Variants in LPL observed in about 807,000 individuals in gnomAD.
LPL encodes lipoprotein lipase, also known as phospholipase A1.
In LPL, 43 loss-of-function variants were observed where a neutral mutation model predicts 52.2. That is an observed-to-expected ratio of 0.82 (90% CI 0.64 to 1.06). LPL has a LOEUF of 1.06. Ranked by LOEUF, LPL falls within the 50% of genes least tolerant of loss-of-function variation. The pLI, the probability that LPL is intolerant of heterozygous loss-of-function variation, is 0.00. For synonymous variants in LPL, 244 were observed against 215.6 expected (o/e 1.13, Z -1.15); for missense variants, 639 against 585.3 (o/e 1.09, Z -0.95).
chr8:19,964,743 G>T (rs1000812683), intron 9 of LPL, among the ~76,000 whole-genome samples: 2 of 152,008 alleles, frequency 1.3e-5, no homozygotes, highest in Non-Finnish European at 2.9e-5. Flanking sequence ...TGGCCAGGCT[G>T]GTCATTGAAC....
chr8:19,947,871 CA>C (rs1489434861), intron 1 of LPL, among the ~76,000 whole-genome samples: 13 of 152,108 alleles, frequency 8.5e-5, no homozygotes, highest in Admixed American at 8.5e-4. Flanking sequence ...CCCCAAACAG[CA>C]GTTCCCTTAG....
chr8:19,959,787 T>G (rs1432824236), intron 7 of LPL, among the ~76,000 whole-genome samples: 21 of 129,196 alleles, frequency 1.6e-4, no homozygotes, highest in Admixed American at 1.6e-3. Context: ...CTTTTTTTTT[T>G]TTTTTTTTTT....
chr8:19,960,583 A>G (rs2070029428), intron 7 of LPL, among the ~76,000 whole-genome samples: 1 of 152,222 alleles, frequency 6.6e-6, no homozygotes, highest in Non-Finnish European at 1.5e-5. Flanking sequence ...TAGCTAAATA[A>G]TGTTCAAGTA....
At chr8:19,958,679 T>C (rs2070009036) in intron 6 of LPL, among the ~76,000 whole-genome samples, 1 of 152,136 alleles carries the variant, frequency 6.6e-6, no homozygotes, top group Admixed American at 6.5e-5. Flanking sequence ...CATTACGGAA[T>C]GGAAAAATCA....
chr8:19,952,085 ATAT>A, intron 3 of LPL, 137 bp downstream of exon 3: 1 of 924,724 alleles, frequency 1.1e-6, no homozygotes, highest in Non-Finnish European at 1.7e-6. Flanking sequence ...ATCAGCGTGG[ATAT>A]TATTTTATAT....
At chr8:19,957,836 T>C (rs1291806633) in intron 6 of LPL, among the ~76,000 whole-genome samples, 1 of 152,108 alleles carries the variant, frequency 6.6e-6, no homozygotes, top group African/African-American at 2.4e-5. Flanking sequence ...TAAAGCAGCA[T>C]AAAAATATGG....
chr8:19,963,787 T>G (rs1043215408), intron 9 of LPL, among the ~76,000 whole-genome samples: 1 of 152,150 alleles, frequency 6.6e-6, no homozygotes, highest in African/African-American at 2.4e-5. Context: ...AAATGGAGAA[T>G]AGTTAGTGGT....
chr8:19,943,769 T>A (rs2128836041), intron 1 of LPL, among the ~76,000 whole-genome samples: 1 of 152,360 alleles, frequency 6.6e-6, no homozygotes, highest in South Asian at 2.1e-4. Flanking sequence ...TCTGAACCTA[T>A]TTTTTAACCC....
In LPL at chr8:19,948,281, G is replaced by T. The variant is rs114101772; in HGVS notation, c.190G>T (p.Val64Leu). 2.5e-6 allele frequency: 4 copies of T among 1,613,978 alleles called. No individual in the cohort carries two copies. The highest frequency in any genetic ancestry group is 1.7e-5 in the Admixed American group (1 of 59,992). Residue 64 changes from valine (V) to leucine (L), a missense_variant, in exon 2 of 10, where the codon GTG (valine) becomes TTG (leucine). Physicochemically the swap from Val to Leu is conservative, Grantham distance 32. Transcript: ENST00000650287. ...CHLIPGVAESVATCHFNHSSK... is the reference protein window; with the variant it reads ...CHLIPGVAESLATCHFNHSSK... ...CCTCATTCCCGGAGTAGCAGAGTCC[G>T]TGGCTACCTGTCATTTCAATCACAG...
Position 19,961,101 on chromosome 8 carries a change from T to G in LPL, c.1322+18T>G. 1 of 1,612,212 alleles carries G rather than the reference T, an allele frequency of 6.2e-7. No individual in the cohort carries two copies. The highest frequency in any genetic ancestry group is 1.1e-5 in the South Asian group (1 of 91,008). On this transcript the variant is annotated intron_variant, in intron 8 of 9. Transcript: ENST00000650287. ...CAGAAAAAGTAATTAAATGTATTTT[T>G]CTTCCTTCACTTTAGACCCCCACCT...
intron 1 of LPL, among the ~76,000 whole-genome samples, chr8:19,940,853 G>T (rs535013176): frequency 2.6e-5 from 4 of 152,226 alleles, no homozygotes; most frequent in Non-Finnish European, 5.9e-5. Context: ...CACTTCGGGA[G>T]GCCGAGGCCG....
At chr8:19,940,433 A>G (rs1251178742) in intron 1 of LPL, among the ~76,000 whole-genome samples, 1 of 152,210 alleles carries the variant, frequency 6.6e-6, no homozygotes, top group Admixed American at 6.5e-5. Flanking sequence ...GCGTGGAGGC[A>G]GCGAGCACAA....
At chr8:19,962,969 C>T (rs76423146) in intron 9 of LPL, among the ~76,000 whole-genome samples, 8,229 of 152,244 alleles carry the variant, frequency 0.054, 376 homozygotes, top group African/African-American at 0.13. Flanking sequence ...ACCCTCCACA[C>T]ATCCCCTGCC....
At chr8:19,948,056 C>T (rs1311385798) in intron 1 of LPL, 124 bp from the exon 2 acceptor site, 10 of 1,047,180 alleles carry the variant, frequency 9.5e-6, no homozygotes, top group East Asian at 4.8e-5. Context: ...CATTCGTTTT[C>T]GAAAACACTT....
At chr8:19,943,579 T>C (rs538418644) in intron 1 of LPL, among the ~76,000 whole-genome samples, 9 of 152,336 alleles carry the variant, frequency 5.9e-5, no homozygotes, top group Non-Finnish European at 7.3e-5. Flanking sequence ...AAGAAGAAAG[T>C]AGTCTCAGAT....
In LPL at chr8:19,954,717, A is replaced by C. The variant is rs257; in HGVS notation, c.775+364A>C. Among the ~76,000 whole-genome samples, 1,365 of 152,350 alleles carry C rather than the reference A, an allele frequency of 9.0e-3. 19 individuals are homozygous for C. Among genetic ancestry groups the C allele is most frequent in the African/African-American group, 0.032 (1,313 of 41,576 alleles). On this transcript the variant is annotated intron_variant, in intron 5 of 9. Transcript: ENST00000650287. ...AGCCAATGGAAAGATTTTAGATGTTACTGGAACAGAAGATGTTAATTAGGA... is the reference window on the plus strand; with the variant it reads ...AGCCAATGGAAAGATTTTAGATGTTCCTGGAACAGAAGATGTTAATTAGGA...
At position 19,954,304 on chromosome 8, in the gene LPL, A is replaced by T; in HGVS notation, c.726A>T (p.Gly242=). 1 of 1,614,216 alleles carries T rather than the reference A, an allele frequency of 6.2e-7. No homozygotes were observed. Among genetic ancestry groups the T allele is most frequent in the Non-Finnish European group, 8.5e-7 (1 of 1,180,032 alleles). The stretch of plus-strand genomic sequence containing the variant: ...CGAATGGAGGTACTTTTCAGCCAGG[A>T]TGTAACATTGGAGAAGCTATCCGCG... ...IYPNGGTFQP[G]CNIGEAIRVI... The change falls in exon 5 of 10, where the codon GGA becomes GGT. Residue 242 remains glycine (G), a synonymous_variant. Transcript: ENST00000650287.
chr8:19,957,380 T>C (rs970491696), intron 6 of LPL, among the ~76,000 whole-genome samples: 3 of 152,150 alleles, frequency 2.0e-5, no homozygotes, highest in African/African-American at 7.2e-5. Flanking sequence ...TGTAAGGTGA[T>C]TCTTAGAATC....
At chr8:19,948,546 T>A in intron 2 of LPL, 1 of 593,008 alleles carries the variant, frequency 1.7e-6, no homozygotes, top group African/African-American at 1.9e-5. Context: ...GCCTTCATTT[T>A]AACACTGTAC....
Sources: allele counts gnomAD v4.1 joint callset (sites outside exome capture counted in the v4.1 genomes callset), GRCh38; gene constraint gnomAD v4.1.1; transcripts MANE v1.5; gene names NCBI Gene and HGNC (gene_info 2026-07-23, HGNC 2026-07-21).